Variants in MAP3K4 observed in about 807,000 individuals in gnomAD.
The protein encoded by MAP3K4 is mitogen-activated protein kinase kinase kinase 4.
Under a neutral mutation model 185.6 loss-of-function variants are expected in MAP3K4, and 67 were observed. The observed-to-expected ratio is 0.36, with a 90% confidence interval of 0.30 to 0.44. The LOEUF is 0.44. Ranked by LOEUF, MAP3K4 falls within the 20% of genes least tolerant of loss-of-function variation. The pLI, the probability that MAP3K4 is intolerant of heterozygous loss-of-function variation, is 1.00. For synonymous variants in MAP3K4, 702 were observed against 710.4 expected (o/e 0.99, Z 0.19); for missense variants, 1,551 against 1,995.1 (o/e 0.78, Z 4.24).
intron 1 of MAP3K4, among the ~76,000 whole-genome samples, chr6:160,993,828 G>C (rs1233943335): frequency 2.1e-5 from 3 of 143,480 alleles, no homozygotes; most frequent in Non-Finnish European, 4.5e-5. Context: ...AACTGTAAGT[G>C]AACAGCAGTG....
At position 161,049,607 on chromosome 6, in the gene MAP3K4, T is replaced by C. The variant is rs1783906529; in HGVS notation, c.1335T>C (p.Asp445=). ...GTAATGAGCCGGAGTATGAGGGTGA[T>C]GACACAGAAGGAGAATTAAAGGAGT... ...SKGNEPEYEG[D]DTEGELKELE... Residue 445 remains aspartate, a synonymous_variant, in exon 3 of 27, where the codon GAT becomes GAC. Transcript: ENST00000392142. The surrounding 1 kb of genome is among the most constrained non-coding windows in gnomAD (Gnocchi z 8.4). The C allele has an allele frequency of 6.2e-7, 1 of 1,614,084 alleles. No individual in the cohort carries two copies. Among genetic ancestry groups the C allele is most frequent in the South Asian group, 1.1e-5 (1 of 91,088 alleles).
At chr6:161,060,765 A>G (rs1193975341) in intron 3 of MAP3K4, among the ~76,000 whole-genome samples, 1 of 151,732 alleles carries the variant, frequency 6.6e-6, no homozygotes, top group Admixed American at 6.6e-5. Flanking sequence ...GATTACAGGC[A>G]TGCGCCACCA....
At position 161,008,786 on chromosome 6, in the gene MAP3K4, A is replaced by G. The variant is rs1781710591; in HGVS notation, c.152+16703A>G. Reference sequence around the variant, plus strand: ...TTCCTCATTATCCTGACATTTACTGATATTTTACATCTACTACTTTCACTC... The same window carrying G: ...TTCCTCATTATCCTGACATTTACTGGTATTTTACATCTACTACTTTCACTC... On this transcript the variant is annotated intron_variant, in intron 1 of 26. Transcript: ENST00000392142. This position sits in a 1 kb window ranked among gnomAD's most constrained non-coding sequence, Gnocchi z 4.1. Among the ~76,000 whole-genome samples the G allele has an allele frequency of 6.6e-6, 1 of 152,054 alleles. No individual in the cohort carries two copies. Among genetic ancestry groups the G allele is most frequent in the Non-Finnish European group, 1.5e-5 (1 of 68,014 alleles).
At position 161,110,735 on chromosome 6, in the gene MAP3K4, C is replaced by T. The variant is rs1778308210; in HGVS notation, c.4396+821C>T. ...TCTGGGTGTAAGCATTGTTCGTGCT[C>T]TGTAATGTGGCTCACCCTGAATCAC... On this transcript the variant is annotated intron_variant, in intron 23 of 26. Coordinates refer to ENST00000392142, the MANE Select transcript of MAP3K4 (RefSeq NM_005922.4). This position sits in a 1 kb window ranked among gnomAD's most constrained non-coding sequence, Gnocchi z 4.8. Among the ~76,000 whole-genome samples the T allele has an allele frequency of 6.6e-6, 1 of 152,190 alleles. No individual in the cohort carries two copies. The highest frequency in any genetic ancestry group is 2.1e-4 in the South Asian group (1 of 4,832).
In MAP3K4 at chr6:161,097,260, C is replaced by A; in HGVS notation, c.3524+84C>A. 9.0e-7 allele frequency: 1 copy of A among 1,111,856 alleles called. No homozygotes were observed. The highest frequency in any genetic ancestry group is 1.4e-6 in the Non-Finnish European group (1 of 737,352). 68.9% of individuals were successfully genotyped at this position (1,111,856 alleles called of 1,614,324 possible). ...TACTTTTGAAACTACTAGATGCTTG[C>A]TCTGAGAGCTAAATACCTTTTCTGC... On this transcript the variant is annotated intron_variant, in intron 16 of 26. Transcript: ENST00000392142. The surrounding 1 kb of genome is among the most constrained non-coding windows in gnomAD (Gnocchi z 4.9).
In MAP3K4 at chr6:161,103,274, T is replaced by C. The variant is rs1777914444; in HGVS notation, c.3856+495T>C. 6.6e-6 allele frequency among the ~76,000 whole-genome samples: 1 copy of C among 152,174 alleles called. No homozygotes were observed. Among genetic ancestry groups the C allele is most frequent in the Admixed American group, 6.5e-5 (1 of 15,278 alleles). On this transcript the variant is annotated intron_variant, in intron 19 of 26. Transcript: ENST00000392142. The surrounding 1 kb of genome is among the most constrained non-coding windows in gnomAD (Gnocchi z 4.6). ...GATGTTCTCTTTTTATAAATGATAG[T>C]TTCTAAGCAGCCCAATAATTTGGCC...
chr6:161,087,604 C>A lies in MAP3K4; in HGVS notation c.2557-84C>A. The A allele has an allele frequency of 7.0e-7, 1 of 1,436,574 alleles. No individual in the cohort carries two copies. 89.0% of individuals were successfully genotyped at this position (1,436,574 alleles called of 1,614,324 possible). On this transcript the variant is annotated intron_variant, in intron 9 of 26. Coordinates refer to ENST00000392142, the MANE Select transcript of MAP3K4 (RefSeq NM_005922.4). This position sits in a 1 kb window ranked among gnomAD's most constrained non-coding sequence, Gnocchi z 4.9. The stretch of plus-strand genomic sequence containing the variant: ...TCCCACTTTCCCTTTCCCAAACCTG[C>A]CTCTCCTTTCCTAGGTTTGTTTTAA...
intron 2 of MAP3K4, among the ~76,000 whole-genome samples, chr6:161,038,031 T>C (rs1269949485): frequency 6.6e-6 from 1 of 152,114 alleles, no homozygotes; most frequent in Non-Finnish European, 1.5e-5. Context: ...CCTTTCATCC[T>C]CTTCCTTTCT....
At chr6:161,005,483 G>C (rs2115060191) in intron 1 of MAP3K4, among the ~76,000 whole-genome samples, 1 of 152,156 alleles carries the variant, frequency 6.6e-6, no homozygotes, top group South Asian at 2.1e-4. Flanking sequence ...TAGTACTCAG[G>C]AATGGTGTAG....
At position 160,996,006 on chromosome 6, in the gene MAP3K4, G is replaced by GA. The variant is rs1031795590; in HGVS notation, c.152+3928dup. On this transcript the variant is annotated intron_variant, in intron 1 of 26. Coordinates refer to ENST00000392142, the MANE Select transcript of MAP3K4 (RefSeq NM_005922.4). This position sits in a 1 kb window ranked among gnomAD's most constrained non-coding sequence, Gnocchi z 4.5. ...TTATATATTTATTGTAAATTCATTT[G>GA]AAAAACTGGATTTCCTACTAAAAAA... is the stretch of plus-strand genomic sequence containing the variant. 1.2e-4 allele frequency among the ~76,000 whole-genome samples: 18 copies of GA among 152,130 alleles called. No individual in the cohort carries two copies. Among genetic ancestry groups the GA allele is most frequent in the African/African-American group, 4.3e-4 (18 of 41,496 alleles).
In MAP3K4 at chr6:161,063,683, G is replaced by A. The variant is rs917659063; in HGVS notation, c.1708-6925G>A. 6.6e-6 allele frequency among the ~76,000 whole-genome samples: 1 copy of A among 152,096 alleles called. No individual in the cohort carries two copies. Among genetic ancestry groups the A allele is most frequent in the East Asian group, 1.9e-4 (1 of 5,186 alleles). On this transcript the variant is annotated intron_variant, in intron 3 of 26. Transcript: ENST00000392142. This position sits in a 1 kb window ranked among gnomAD's most constrained non-coding sequence, Gnocchi z 5.4. ...TCCTGGAAGGGAATTTGGGGTACTA[G>A]TTTTAAGATATTATGGGGCCTAAAC...
chr6:161,045,255 A>T (rs1423622714), intron 2 of MAP3K4, among the ~76,000 whole-genome samples: 1 of 152,132 alleles, frequency 6.6e-6, no homozygotes, highest in East Asian at 1.9e-4. Context: ...TCTCTGTCCC[A>T]TCTTGCTCCT....
intron 1 of MAP3K4, among the ~76,000 whole-genome samples, chr6:160,994,694 T>C (rs1361752803): frequency 2.0e-5 from 3 of 152,062 alleles, no homozygotes; most frequent in African/African-American, 7.2e-5. Flanking sequence ...CTACTTTTAG[T>C]TTTTAGGTTT....
At position 161,097,690 on chromosome 6, in the gene MAP3K4, G is replaced by A. The variant is rs1346903396; in HGVS notation, c.3524+514G>A. ...ATGTGGTGGCATTTCTGCATCTTGA[G>A]GTAGTGAGCACCTTCTCTCGCCTGT... is the stretch of plus-strand genomic sequence containing the variant. On this transcript the variant is annotated intron_variant, in intron 16 of 26. Transcript: ENST00000392142. This position sits in a 1 kb window ranked among gnomAD's most constrained non-coding sequence, Gnocchi z 4.9. 6.6e-6 allele frequency among the ~76,000 whole-genome samples: 1 copy of A among 152,132 alleles called. No individual in the cohort carries two copies. Among genetic ancestry groups the A allele is most frequent in the Admixed American group, 6.5e-5 (1 of 15,274 alleles).
chr6:161,028,147 T>C (rs940329681), intron 1 of MAP3K4, among the ~76,000 whole-genome samples: 1 of 152,184 alleles, frequency 6.6e-6, no homozygotes, highest in Admixed American at 6.5e-5. Context: ...TTTGTGACCA[T>C]GAGGAGGCCG....
At chr6:160,992,196 G>T in intron 1 of MAP3K4, 113 bp downstream of exon 1, 3 of 1,362,876 alleles carry the variant, frequency 2.2e-6, no homozygotes, top group Non-Finnish European at 1.9e-6. Context: ...GAAGCATCCA[G>T]TCTCTGCAGG....
intron 1 of MAP3K4, among the ~76,000 whole-genome samples, chr6:161,021,307 G>A (rs895036587): frequency 1.1e-4 from 16 of 152,142 alleles, no homozygotes; most frequent in Non-Finnish European, 1.8e-4. Context: ...AAGACATAAC[G>A]TAGTCTGTTC....
intron 1 of MAP3K4, among the ~76,000 whole-genome samples, chr6:160,993,429 C>G (rs1780834493): frequency 6.6e-6 from 1 of 152,046 alleles, no homozygotes; most frequent in Non-Finnish European, 1.5e-5. Context: ...TCTATTAACC[C>G]ATTTAATCTT....
At chr6:161,062,478 A>G (rs866503466) in intron 3 of MAP3K4, among the ~76,000 whole-genome samples, 1 of 152,314 alleles carries the variant, frequency 6.6e-6, no homozygotes, top group Middle Eastern at 3.4e-3. Context: ...TTTAATTATT[A>G]TATCCCAGTC....
Sources: allele counts gnomAD v4.1 joint callset (sites outside exome capture counted in the v4.1 genomes callset), GRCh38; gene constraint gnomAD v4.1.1; non-coding constraint Gnocchi (gnomAD v3.1); transcripts MANE v1.5; gene names NCBI Gene and HGNC (gene_info 2026-07-23, HGNC 2026-07-21).